COL23A1: variants seen among roughly 807,000 people sequenced by gnomAD.
COL23A1 encodes the protein collagen type XXIII alpha 1 chain.
COL23A1 carries 97 observed loss-of-function variants against 99.3 expected under a neutral mutation model. The observed-to-expected ratio is 0.98, with a 90% CI of 0.83 to 1.16. The LOEUF (loss-of-function observed/expected upper bound fraction) is 1.16, where lower values mean the gene tolerates loss of function less well. Ranked by LOEUF, COL23A1 falls within the 50% of genes most tolerant of loss-of-function variation. COL23A1 has a pLI of 0.00. For synonymous variants in COL23A1, 320 were observed against 308.2 expected, an observed-to-expected ratio of 1.04 and a Z score of -0.40; for missense variants, 762 against 757.4, an observed-to-expected ratio of 1.01 and a Z score of -0.07.
chr5:178,311,083 ATGGGACC>A (rs1758644272), intron 2 of COL23A1, among the ~76,000 whole-genome samples: 3 of 151,986 alleles, frequency 2.0e-5, no homozygotes, highest in Non-Finnish European at 4.4e-5. Context: ...CCCACTCTGC[ATGGGACC>A]CACACGGCTC....
chr5:178,541,771 C>A (rs938048965), intron 2 of COL23A1, among the ~76,000 whole-genome samples: 1 of 152,130 alleles, frequency 6.6e-6, no homozygotes, highest in Admixed American at 6.5e-5. Flanking sequence ...AATGAATAAC[C>A]CTCAACTGCA....
chr5:178,288,471 C>T, intron 4 of COL23A1, 121 bp from the exon 5 acceptor site: 1 of 872,352 alleles, frequency 1.1e-6, no homozygotes, highest in Admixed American at 1.7e-5. Flanking sequence ...GTGACTTCCT[C>T]TGCAGCGGGA....
chr5:178,303,003 G>C (rs35804582), intron 3 of COL23A1, among the ~76,000 whole-genome samples: 9,065 of 152,264 alleles, frequency 0.06, 321 homozygotes, highest in Middle Eastern at 0.14. Flanking sequence ...ACTGCTGTTT[G>C]TTTGTTTGTT....
Position 178,363,430 on chromosome 5 carries a change from C to CA in COL23A1, c.362-56512dup, listed in dbSNP as rs138636450. On this transcript the variant is annotated intron_variant, in intron 2 of 28. Transcript: ENST00000390654. ...GCACTCACTCATTCACTGATTCACT[C>CA]ACTCCTTCATTCATTCAGTATCTAT... Among the ~76,000 whole-genome samples the CA allele has an allele frequency of 2.0e-5, 3 of 152,320 alleles. No homozygotes were observed. The East Asian group carries it at 5.8e-4, about 29-fold the overall frequency.
intron 2 of COL23A1, among the ~76,000 whole-genome samples, chr5:178,353,954 ACC>A (rs1561890353): frequency 3.5e-5 from 5 of 143,566 alleles, no homozygotes; most frequent in Non-Finnish European, 7.9e-5. Context: ...AAAAAAAAAA[ACC>A]AAAAAAACCC....
intron 2 of COL23A1, among the ~76,000 whole-genome samples, chr5:178,361,608 G>C (rs1175910921): frequency 6.6e-6 from 1 of 151,764 alleles, no homozygotes; most frequent in Admixed American, 6.6e-5. Flanking sequence ...CCCCCCTACA[G>C]GACTCATGTT....
chr5:178,511,211 C>T (rs895200242), intron 2 of COL23A1, among the ~76,000 whole-genome samples: 1 of 152,114 alleles, frequency 6.6e-6, no homozygotes, highest in Non-Finnish European at 1.5e-5. Context: ...CAAAGATCAC[C>T]GTGGGACATT....
intron 2 of COL23A1, among the ~76,000 whole-genome samples, chr5:178,394,601 GA>G (rs1294456975): frequency 2.6e-5 from 4 of 152,230 alleles, no homozygotes. Context: ...TGGGTAAACT[GA>G]AAATCATCCT....
chr5:178,443,289 G>A (rs924870601), intron 2 of COL23A1, among the ~76,000 whole-genome samples: 5 of 152,150 alleles, frequency 3.3e-5, no homozygotes, highest in Non-Finnish European at 7.3e-5. Context: ...CTTCCTAACC[G>A]GATCCGAACG....
intron 2 of COL23A1, among the ~76,000 whole-genome samples, chr5:178,354,574 G>C (rs984439575): frequency 1.3e-5 from 2 of 151,978 alleles, no homozygotes; most frequent in African/African-American, 2.4e-5. Context: ...CTGAGTTCTC[G>C]TGCGATCTGG....
chr5:178,244,094 C>G (rs1030000460), intron 25 of COL23A1, among the ~76,000 whole-genome samples: 4 of 152,206 alleles, frequency 2.6e-5, no homozygotes, highest in Admixed American at 6.5e-5. Flanking sequence ...ATCCTCCCGC[C>G]TCAGTCTCCT....
rs149879724 is a variant in COL23A1 at position 178,415,388 on chromosome 5, C to T, written c.362-108469G>A. On this transcript the variant is annotated intron_variant, in intron 2 of 28. Transcript: ENST00000390654. The surrounding 1 kb of genome is among the most constrained non-coding windows in gnomAD (Gnocchi z 4.6). ...CCAAATCAGTCGAACGTCTAAAAAC[C>T]GTCCTGCCCCCCACCCTCAGTGCAC... Among the ~76,000 whole-genome samples, 452 of 152,248 alleles carry T rather than the reference C, an allele frequency of 3.0e-3. 2 individuals are homozygous for T. Among genetic ancestry groups the T allele is most frequent in the African/African-American group, 9.4e-3 (392 of 41,550 alleles).
At chr5:178,575,124 C>T (rs1171843980) in intron 1 of COL23A1, among the ~76,000 whole-genome samples, 2 of 152,280 alleles carry the variant, frequency 1.3e-5, no homozygotes, top group Admixed American at 6.5e-5. Flanking sequence ...TTTTTCAACA[C>T]CACTTCTTGC....
Position 178,264,337 on chromosome 5 carries a change from TAA to T in COL23A1, c.523-1015_523-1014del, listed in dbSNP as rs34489295. On this transcript the variant is annotated intron_variant, in intron 8 of 28. Transcript: ENST00000390654. ...ATCTACAATTATCTCAAAATAAAAGTAAAAAAAAAAAAAAGGATGATGAAGGG... is the reference window on the plus strand; with the variant it reads ...ATCTACAATTATCTCAAAATAAAAGTAAAAAAAAAAAAGGATGATGAAGGG... 3.5e-3 allele frequency among the ~76,000 whole-genome samples: 491 copies of T among 141,486 alleles called. 2 individuals are homozygous for T. The highest frequency in any genetic ancestry group is 8.5e-3 in the African/African-American group (334 of 39,244). The allele number at this position is 141,486 out of a possible 152,430, so 92.8% of individuals were successfully genotyped here.
At position 178,384,786 on chromosome 5, in the gene COL23A1, C is replaced by T. The variant is rs913562234; in HGVS notation, c.362-77867G>A. 6.6e-6 allele frequency among the ~76,000 whole-genome samples: 1 copy of T among 152,228 alleles called. No homozygotes were observed. Among genetic ancestry groups the T allele is most frequent in the African/African-American group, 2.4e-5 (1 of 41,458 alleles). On this transcript the variant is annotated intron_variant, in intron 2 of 28. Transcript: ENST00000390654. The surrounding 1 kb of genome is among the most constrained non-coding windows in gnomAD (Gnocchi z 5.5). ...TGTACCACCCGGGGACGGCCCAGAACAGCCTGGGGCTTGGAGTCCCCCTGA... is the reference window on the plus strand; with the variant it reads ...TGTACCACCCGGGGACGGCCCAGAATAGCCTGGGGCTTGGAGTCCCCCTGA...
intron 2 of COL23A1, among the ~76,000 whole-genome samples, chr5:178,489,621 G>C (rs191584531): frequency 6.7e-4 from 102 of 152,268 alleles, no homozygotes; most frequent in Non-Finnish European, 1.3e-3. Context: ...TAAAGGCTGC[G>C]GACTGTCAAA....
rs1420770769 is a variant in COL23A1 at position 178,306,599 on chromosome 5, G to A, written c.406+276C>T. 6.6e-6 allele frequency among the ~76,000 whole-genome samples: 1 copy of A among 150,786 alleles called. No individual in the cohort carries two copies. The highest frequency in any genetic ancestry group is 2.0e-4 in the East Asian group (1 of 5,118). ...TGCCTCAGAGAGAGGGGGCTGCTCT[G>A]GAGTGGGGGACTAGGGGCCAACAAC... On this transcript the variant is annotated intron_variant, in intron 3 of 28. Transcript: ENST00000390654. This position sits in a 1 kb window ranked among gnomAD's most constrained non-coding sequence, Gnocchi z 4.1.
At chr5:178,289,277 T>A (rs1322134465) in intron 4 of COL23A1, among the ~76,000 whole-genome samples, 1 of 151,816 alleles carries the variant, frequency 6.6e-6, no homozygotes, top group African/African-American at 2.4e-5. Context: ...GTCAATGTGC[T>A]TCTTGAGTGG....
Position 178,465,279 on chromosome 5 carries a change from G to A in COL23A1, c.361+95403C>T, listed in dbSNP as rs566452503. ...GCTGGGGGTTCGGAGATCCTGCAGC[G>A]AGCTCTGGGACTTAGAACACCAGGC... On this transcript the variant is annotated intron_variant, in intron 2 of 28. Coordinates refer to ENST00000390654, the MANE Select transcript of COL23A1 (RefSeq NM_173465.4). Among the ~76,000 whole-genome samples the A allele has an allele frequency of 6.6e-5, 10 of 152,256 alleles. No individual in the cohort carries two copies. In the South Asian group the frequency reaches 1.7e-3, roughly 25 times the overall value.
Sources: gnomAD v4.1 joint callset for allele counts (sites outside exome capture counted in the v4.1 genomes callset) on GRCh38, gnomAD v4.1.1 for gene constraint, Gnocchi (gnomAD v3.1) non-coding constraint, MANE v1.5 for transcripts, NCBI Gene and HGNC (gene_info 2026-07-23, HGNC 2026-07-21) for gene names.